The following TCF12 variants were observed in gnomAD, a reference collection of about 807,000 sequenced individuals.
TCF12 encodes the protein transcription factor 12.
Under a neutral mutation model 86.0 loss-of-function variants are expected in TCF12, and 45 were observed. The ratio of observed to expected loss-of-function variants is 0.52; its 90% CI spans 0.41 to 0.67. The LOEUF is 0.67. Ranked by LOEUF, TCF12 falls within the 30% of genes least tolerant of loss-of-function variation. TCF12 has a pLI of 0.00. For missense variants in TCF12, 881 were observed against 859.9 expected (o/e 1.02, Z -0.31); for synonymous variants, 330 against 299.6 (o/e 1.10, Z -1.05).
At chr15:57,273,816 C>T (rs564538503) in intron 19 of TCF12, among the ~76,000 whole-genome samples, 37 of 152,254 alleles carry the variant, frequency 2.4e-4, no homozygotes, top group African/African-American at 8.4e-4. Flanking sequence ...TAACATACAT[C>T]GGCATGCCTC....
chr15:57,000,982 TATTTTTAA>T, intron 3 of TCF12, among the ~76,000 whole-genome samples: 1 of 151,384 alleles, frequency 6.6e-6, no homozygotes, highest in East Asian at 1.9e-4. Context: ...CTAGTGCTTT[TATTTTTAA>T]ATTTTTAAAA....
At chr15:57,195,245 G>T (rs1205622048) in intron 7 of TCF12, among the ~76,000 whole-genome samples, 1 of 152,178 alleles carries the variant, frequency 6.6e-6, no homozygotes, top group African/African-American at 2.4e-5. Context: ...GAAGTGGTCG[G>T]TGAATCCCAG....
chr15:57,232,873 G>A lies in TCF12; in HGVS notation c.970+17G>A. 3 of 1,524,462 alleles carry A rather than the reference G, an allele frequency of 2.0e-6. No individual in the cohort carries two copies. The highest frequency in any genetic ancestry group is 2.8e-5 in the African/African-American group (2 of 70,960). The allele number at this position is 1,524,462 out of a possible 1,614,324, so 94.4% of individuals were successfully genotyped here. ...GCATTCTAGGTGAGCTTTTTGAGTT[G>A]GCAAAACTTCCTAAAAGTTTGTGGA... On this transcript the variant is annotated intron_variant, in intron 11 of 20. Coordinates refer to ENST00000333725, the MANE Select transcript of TCF12 (RefSeq NM_207037.2).
intron 3 of TCF12, among the ~76,000 whole-genome samples, chr15:56,974,301 G>A (rs1327406265): frequency 1.3e-5 from 2 of 152,032 alleles, no homozygotes. Flanking sequence ...CAGGAAAACA[G>A]AGAGGAAAAA....
intron 5 of TCF12, among the ~76,000 whole-genome samples, chr15:57,159,528 A>G (rs896561067): frequency 4.4e-4 from 67 of 152,354 alleles, no homozygotes; most frequent in Middle Eastern, 3.4e-3. Context: ...TTGTGCACAA[A>G]TATTTAGATT....
chr15:57,232,343 G>C lies in TCF12; in HGVS notation c.738G>C (p.Gln246His). ...DLWSSSNGMS[Q>H]PGFGGILGTS... The stretch of plus-strand genomic sequence containing the variant: ...GGAGTTCATCAAATGGGATGAGCCA[G>C]CCTGGTTTTGGTGGAATTCTGGGGA... The change falls in exon 10 of 21, where the codon CAG (glutamine) becomes CAC (histidine). Residue 246 changes from glutamine to histidine, a missense_variant. By Grantham distance (24) the Gln-to-His change is conservative (BLOSUM62 0). This residue lies in a region of TCF12 where 766 missense variants were observed against 718.9 expected (regional missense o/e 1.07). Transcript: ENST00000333725. 2.5e-6 allele frequency: 4 copies of C among 1,613,988 alleles called. No homozygotes were observed. Among genetic ancestry groups the C allele is most frequent in the Non-Finnish European group, 3.4e-6 (4 of 1,179,922 alleles).
At chr15:56,981,791 G>T (rs2062906652) in intron 3 of TCF12, among the ~76,000 whole-genome samples, 1 of 152,086 alleles carries the variant, frequency 6.6e-6, no homozygotes, top group Non-Finnish European at 1.5e-5. Flanking sequence ...AATAAAATAA[G>T]CTAGACAAGT....
chr15:57,240,050 A>C (rs2059547899), intron 12 of TCF12, among the ~76,000 whole-genome samples: 2 of 152,226 alleles, frequency 1.3e-5, no homozygotes, highest in South Asian at 2.1e-4. Flanking sequence ...GGAAACCTAC[A>C]TTAAGGGAAA....
intron 5 of TCF12, among the ~76,000 whole-genome samples, chr15:57,127,678 A>T (rs1596679490): frequency 6.6e-6 from 1 of 152,182 alleles, no homozygotes; most frequent in African/African-American, 2.4e-5. Context: ...CTAATAATTC[A>T]AATTAGTCAC....
intron 3 of TCF12, among the ~76,000 whole-genome samples, chr15:56,985,037 T>G (rs1414104005): frequency 6.6e-6 from 1 of 152,226 alleles, no homozygotes; most frequent in Non-Finnish European, 1.5e-5. Context: ...TCAGAGGAAA[T>G]GAACTCTTGG....
chr15:57,211,276 GGCAGGGA>G (rs765916690), intron 8 of TCF12, among the ~76,000 whole-genome samples: 74 of 152,188 alleles, frequency 4.9e-4, no homozygotes, highest in Non-Finnish European at 8.2e-4. Flanking sequence ...AAGTTGATAG[GGCAGGGA>G]GCAGGGAGCA....
intron 4 of TCF12, among the ~76,000 whole-genome samples, chr15:57,080,554 G>C (rs954084389): frequency 6.6e-6 from 1 of 152,182 alleles, no homozygotes; most frequent in Non-Finnish European, 1.5e-5. Flanking sequence ...CAGTACTGCA[G>C]AACGAATCAC....
At chr15:57,058,940 A>C (rs144976670) in intron 3 of TCF12, among the ~76,000 whole-genome samples, 6,131 of 152,286 alleles carry the variant, frequency 0.04, 375 homozygotes, top group Admixed American at 0.17. Context: ...TTTGAGTCTT[A>C]TCTAAAGGAA....
At chr15:56,947,646 A>C (rs189465175) in intron 3 of TCF12, among the ~76,000 whole-genome samples, 2 of 152,234 alleles carry the variant, frequency 1.3e-5, no homozygotes, top group Non-Finnish European at 2.9e-5. Flanking sequence ...CTAATTTTTT[A>C]ATTGTTTGCA....
chr15:57,240,403 G>A (rs17820077), intron 12 of TCF12, among the ~76,000 whole-genome samples: 6,117 of 152,264 alleles, frequency 0.04, 375 homozygotes, highest in Admixed American at 0.17. Context: ...AGTTGGGCTA[G>A]TTGACAGTTT....
At chr15:57,196,935 T>A (rs575878710) in intron 7 of TCF12, among the ~76,000 whole-genome samples, 55 of 152,278 alleles carry the variant, frequency 3.6e-4, no homozygotes, top group African/African-American at 1.3e-3. Flanking sequence ...TCATTTTATT[T>A]CTTTATTTCA....
In TCF12 at chr15:57,055,734, G is replaced by T. The variant is rs111699134; in HGVS notation, c.149-8016G>T. On this transcript the variant is annotated intron_variant, in intron 3 of 20. Transcript: ENST00000333725. The stretch of plus-strand genomic sequence containing the variant: ...ATTTTCAAGCTTTTCTGTATTTTTG[G>T]GTTGTCAGCAGCTTGACTATGTTGT... Among the ~76,000 whole-genome samples, 481 of 151,950 alleles carry T rather than the reference G, an allele frequency of 3.2e-3. 1 individual carries two copies. Among genetic ancestry groups the T allele is most frequent in the African/African-American group, 0.011 (462 of 41,448 alleles).
In TCF12 at chr15:56,994,055, A is replaced by G. The variant is rs572246403; in HGVS notation, c.149-69695A>G. 6.6e-5 allele frequency among the ~76,000 whole-genome samples: 10 copies of G among 152,318 alleles called. No homozygotes were observed. In the South Asian group the frequency reaches 1.4e-3, roughly 22 times the overall value. Reference sequence around the variant, plus strand: ...CTCAGCAGAGAAATAGAAGATACAAAGAAATGGAAATGTTAGAACTGAAAA... The same window carrying G: ...CTCAGCAGAGAAATAGAAGATACAAGGAAATGGAAATGTTAGAACTGAAAA... On this transcript the variant is annotated intron_variant, in intron 3 of 20. Transcript: ENST00000333725.
intron 5 of TCF12, among the ~76,000 whole-genome samples, chr15:57,154,974 T>G (rs2054017203): frequency 1.3e-5 from 2 of 152,218 alleles, no homozygotes; most frequent in South Asian, 4.1e-4. Context: ...GCACTTAAGA[T>G]GTTAATACAT....
Sources: allele counts gnomAD v4.1 joint callset (sites outside exome capture counted in the v4.1 genomes callset), GRCh38; gene constraint gnomAD v4.1.1; regional missense constraint gnomAD v4.1.1; transcripts MANE v1.5; gene names NCBI Gene and HGNC (gene_info 2026-07-23, HGNC 2026-07-21).